Variants in FCF1 observed in about 807,000 individuals in gnomAD.
FCF1 encodes the protein rRNA-processing protein FCF1 homolog.
A neutral mutation model predicts 32.5 loss-of-function variants in FCF1; 17 were observed. That is an observed-to-expected ratio of 0.52 (90% confidence interval 0.36 to 0.78). The LOEUF is 0.78. Among genes scored for constraint, FCF1 ranks in the 30% least tolerant of loss-of-function variants. The probability of loss-of-function intolerance (pLI) is 0.00; values close to 1 mark genes in which losing one functional copy is unlikely to be tolerated. For synonymous variants in FCF1, 84 were observed against 78.4 expected (o/e 1.07, Z -0.38); for missense variants, 201 against 241.1 (o/e 0.83, Z 1.10).
At position 74,723,314 on chromosome 14, in the gene FCF1, A is replaced by C; in HGVS notation, c.335A>C (p.Lys112Thr). The stretch of plus-strand genomic sequence containing the variant: ...GATTGTGTAATGGCTGAAATTGAGA[A>C]ATTGGGGCAGAAGTATCGAGTGGCT... ...ITDCVMAEIEKLGQKYRVALR... is the reference protein window; with the variant it reads ...ITDCVMAEIETLGQKYRVALR... The change falls in exon 5 of 8, where the codon AAA (lysine) becomes ACA (threonine). Residue 112 changes from lysine (K) to threonine (T), a missense_variant. Around this residue, in one of 3 missense-constraint regions of FCF1, gnomAD observed 121 missense variants for 147.8 expected, o/e 0.82. Coordinates refer to ENST00000341162, the MANE Select transcript of FCF1 (RefSeq NM_015962.5). The C allele has an allele frequency of 6.2e-7, 1 of 1,613,732 alleles. No homozygotes were observed. Among genetic ancestry groups the C allele is most frequent in the Non-Finnish European group, 8.5e-7 (1 of 1,179,728 alleles).
At position 74,713,152 on chromosome 14, in the gene FCF1, A is replaced by T; in HGVS notation, c.-46A>T. On this transcript the variant is annotated 5_prime_UTR_variant, in exon 1 of 8. Coordinates refer to ENST00000341162, the MANE Select transcript of FCF1 (RefSeq NM_015962.5). ...AGCAGTATGTGAATGACGTAGAAGT[A>T]TTGCGCCGTTGGTGATTACGGAAGA... The T allele has an allele frequency of 6.2e-7, 1 of 1,614,104 alleles. No homozygotes were observed. The highest frequency in any genetic ancestry group is 8.5e-7 in the Non-Finnish European group (1 of 1,180,024).
chr14:74,713,208 A>G lies in FCF1; in HGVS notation c.3+8A>G. 1.2e-6 allele frequency: 2 copies of G among 1,614,224 alleles called. No homozygotes were observed. Among genetic ancestry groups the G allele is most frequent in the Non-Finnish European group, 1.7e-6 (2 of 1,180,052 alleles). ...GAGTTTGGCGTGACCATGGTGAGAG[A>G]AGACGGTCCAAGAAGGGACGTTATC... On this transcript the variant is annotated splice_region_variant and intron_variant, in intron 1 of 7. Transcript: ENST00000341162.
In FCF1 at chr14:74,734,969, A is replaced by G. The variant is rs773184903; in HGVS notation, c.*39A>G. ...CAGTTCCTCTGCCTTTCTTCGACCA[A>G]CTTTCTCTTGTTGCCAGTTCATTAC... On this transcript the variant is annotated 3_prime_UTR_variant, in exon 8 of 8. Coordinates refer to ENST00000341162, the MANE Select transcript of FCF1 (RefSeq NM_015962.5). The G allele has an allele frequency of 6.4e-7, 1 of 1,560,460 alleles. No homozygotes were observed. The highest frequency in any genetic ancestry group is 1.7e-5 in the Admixed American group (1 of 59,722).
chr14:74,723,365 A>G lies in FCF1; in HGVS notation c.365+21A>G, dbSNP rs200585479. 349 of 1,567,292 alleles carry G rather than the reference A, an allele frequency of 2.2e-4. 3 individuals are homozygous for G. In the East Asian group the frequency reaches 6.2e-3, roughly 28 times the overall value. On this transcript the variant is annotated intron_variant, in intron 5 of 7. Coordinates refer to ENST00000341162, the MANE Select transcript of FCF1 (RefSeq NM_015962.5). ...CTAAGGTAGGAAGGAGGTAAACTAG[A>G]TCTGTTCTAGATTGGTATACTGAAG...
At chr14:74,726,287 G>A (rs777322798) in intron 5 of FCF1, among the ~76,000 whole-genome samples, 15 of 151,322 alleles carry the variant, frequency 9.9e-5, no homozygotes, top group Middle Eastern at 3.4e-3. Context: ...AGGAGTTTGA[G>A]ACCAGCCTGG....
At chr14:74,715,156 T>C (rs943024864) in intron 3 of FCF1, among the ~76,000 whole-genome samples, 1 of 152,116 alleles carries the variant, frequency 6.6e-6, no homozygotes, top group Admixed American at 6.6e-5. Flanking sequence ...CCTGGAGATA[T>C]TATCTAGGAT....
Position 74,728,614 on chromosome 14 carries a change from C to T in FCF1, c.366-4117C>T, listed in dbSNP as rs1166907262. ...TTATTTCCTTCTCCTGCCTAATTGC[C>T]CTGGCCAGAACTTCCAACACTATGT... On this transcript the variant is annotated intron_variant, in intron 5 of 7. Coordinates refer to ENST00000341162, the MANE Select transcript of FCF1 (RefSeq NM_015962.5). Among the ~76,000 whole-genome samples, 3 of 151,864 alleles carry T rather than the reference C, an allele frequency of 2.0e-5. No homozygotes were observed. The East Asian group carries it at 5.8e-4, about 29-fold the overall frequency.
At chr14:74,722,223 A>G (rs1186402711) in intron 4 of FCF1, among the ~76,000 whole-genome samples, 2 of 151,062 alleles carry the variant, frequency 1.3e-5, no homozygotes. Flanking sequence ...TATTTTTTTT[A>G]TTTTTAGTAG....
At chr14:74,716,534 T>C (rs1486951114) in intron 4 of FCF1, among the ~76,000 whole-genome samples, 2 of 152,216 alleles carry the variant, frequency 1.3e-5, no homozygotes, top group Non-Finnish European at 2.9e-5. Context: ...AGATAGATGA[T>C]GGTCAATTCC....
In FCF1 at chr14:74,732,721, C is replaced by A; in HGVS notation, c.366-10C>A. The A allele has an allele frequency of 6.3e-7, 1 of 1,589,680 alleles. No individual in the cohort carries two copies. Among genetic ancestry groups the A allele is most frequent in the Admixed American group, 1.7e-5 (1 of 58,884 alleles). Reference sequence around the variant, plus strand: ...CAGCTGATTGAATGTTTTCTTTAATCCACCTACAGGATTGCCAAGGATCCA... The same window carrying A: ...CAGCTGATTGAATGTTTTCTTTAATACACCTACAGGATTGCCAAGGATCCA... On this transcript the variant is annotated splice_polypyrimidine_tract_variant and intron_variant, in intron 5 of 7. Coordinates refer to ENST00000341162, the MANE Select transcript of FCF1 (RefSeq NM_015962.5).
intron 2 of FCF1, 147 bp from the exon 3 acceptor site, chr14:74,714,725 A>G (rs2090391044): frequency 9.2e-7 from 1 of 1,087,946 alleles, no homozygotes; most frequent in Admixed American, 3.1e-5. Flanking sequence ...GCTCAGAAAG[A>G]GTATGCTGAT....
At chr14:74,715,425 A>T (rs943076547) in intron 3 of FCF1, among the ~76,000 whole-genome samples, 1 of 152,112 alleles carries the variant, frequency 6.6e-6, no homozygotes, top group African/African-American at 2.4e-5. Context: ...TTGGTAATGG[A>T]CATATTATCA....
Position 74,735,107 on chromosome 14 carries a change from G to T in FCF1, c.*177G>T. The T allele has an allele frequency of 5.2e-5, 23 of 440,490 alleles. No individual in the cohort carries two copies. The highest frequency in any genetic ancestry group is 9.5e-5 in the East Asian group (2 of 21,082). The allele number at this position is 440,490 out of a possible 1,614,324, so 27.3% of individuals were successfully genotyped here. ...ATTAACATCCAAAGGACTGAACCCTGAACAGAGTTAAGTTACCTTTTAAGC... is the reference window on the plus strand; with the variant it reads ...ATTAACATCCAAAGGACTGAACCCTTAACAGAGTTAAGTTACCTTTTAAGC... On this transcript the variant is annotated 3_prime_UTR_variant, in exon 8 of 8. Transcript: ENST00000341162.
intron 5 of FCF1, among the ~76,000 whole-genome samples, chr14:74,726,826 A>C (rs1423651379): frequency 1.4e-5 from 2 of 145,730 alleles, no homozygotes; most frequent in Non-Finnish European, 3.0e-5. Context: ...CTCATTGTTC[A>C]GTTCCCACCT....
Position 74,734,820 on chromosome 14 carries a change from G to A in FCF1, c.549-62G>A, listed in dbSNP as rs2090685327. 3.6e-6 allele frequency: 5 copies of A among 1,378,492 alleles called. No homozygotes were observed. In the South Asian group the frequency reaches 4.7e-5, roughly 13 times the overall value. 85.4% of individuals were successfully genotyped at this position (1,378,492 alleles called of 1,614,324 possible). On this transcript the variant is annotated intron_variant, in intron 7 of 7. Coordinates refer to ENST00000341162, the MANE Select transcript of FCF1 (RefSeq NM_015962.5). ...GAGAGTATTGCAGTCTATAAAGGAT[G>A]GGTTTTTAGATGGGTTCTCTTCCCA...
intron 3 of FCF1, chr14:74,715,610 T>C (rs149987549): frequency 3.2e-5 from 12 of 371,372 alleles, no homozygotes; most frequent in Non-Finnish European, 6.1e-5. Context: ...ATGACAAACG[T>C]GTTGTTGTAT....
intron 5 of FCF1, among the ~76,000 whole-genome samples, chr14:74,731,281 G>A (rs548925572): frequency 6.6e-5 from 10 of 152,268 alleles, no homozygotes; most frequent in African/African-American, 2.4e-4. Context: ...TTTGTCTTAA[G>A]GCAGAGAATA....
intron 5 of FCF1, among the ~76,000 whole-genome samples, chr14:74,732,243 C>T (rs1460543910): frequency 6.6e-6 from 1 of 152,086 alleles, no homozygotes; most frequent in Non-Finnish European, 1.5e-5. Flanking sequence ...CTCTACCTCA[C>T]TTTTTATTAA....
chr14:74,716,121 T>C (rs751107391), intron 4 of FCF1, 22 bp downstream of exon 4: 1 of 1,605,794 alleles, frequency 6.2e-7, no homozygotes, highest in South Asian at 1.1e-5. Context: ...ACTTTTATGT[T>C]TCCGTGACAT....
Sources: allele counts gnomAD v4.1 joint callset (sites outside exome capture counted in the v4.1 genomes callset), GRCh38; gene constraint gnomAD v4.1.1; regional missense constraint gnomAD v4.1.1; transcripts MANE v1.5; gene names NCBI Gene and HGNC (gene_info 2026-07-23, HGNC 2026-07-21).